The following SNX14 variants were observed in gnomAD, a reference collection of about 807,000 sequenced individuals.
SNX14 encodes sorting nexin-14.
SNX14 carries 93 observed loss-of-function variants against 133.8 expected under a neutral mutation model. That is an observed-to-expected ratio of 0.70 (90% CI 0.59 to 0.83). The LOEUF is 0.83. SNX14 is among the 40% of genes least tolerant of loss of function. The pLI, the probability that SNX14 is intolerant of heterozygous loss-of-function variation, is 0.00. For synonymous variants in SNX14, 368 were observed against 365.6 expected (o/e 1.01, Z -0.07); for missense variants, 945 against 1,094.9 (o/e 0.86, Z 1.93).
chr6:85,585,961 A>G (rs912090859), intron 1 of SNX14, among the ~76,000 whole-genome samples: 7 of 151,804 alleles, frequency 4.6e-5, no homozygotes, highest in Admixed American at 6.6e-5. Context: ...GGCATCACTA[A>G]AGTCTTCTTG....
intron 21 of SNX14, among the ~76,000 whole-genome samples, chr6:85,518,610 A>G (rs1226983009): frequency 6.6e-6 from 1 of 152,226 alleles, no homozygotes; most frequent in Admixed American, 6.5e-5. Context: ...GATTTTCTCC[A>G]GCATTTAGAA....
intron 17 of SNX14, among the ~76,000 whole-genome samples, chr6:85,534,792 C>T (rs1781364004): frequency 6.9e-6 from 1 of 145,528 alleles, no homozygotes; most frequent in East Asian, 2.0e-4. Context: ...AGATAGCAAA[C>T]TATATATAAA....
intron 14 of SNX14, among the ~76,000 whole-genome samples, 178 bp downstream of exon 14, chr6:85,543,004 T>C (rs763894596): frequency 8.6e-5 from 13 of 151,912 alleles, no homozygotes; most frequent in South Asian, 4.2e-4. Flanking sequence ...CTGAACTCAA[T>C]TGATTCAGCC....
chr6:85,541,894 A>G, intron 15 of SNX14, 91 bp downstream of exon 15: 1 of 902,342 alleles, frequency 1.1e-6, no homozygotes, highest in Non-Finnish European at 1.7e-6. Context: ...ATGGAACCAC[A>G]TATTCATTCA....
At chr6:85,572,446 T>C (rs1286816877) in intron 2 of SNX14, 72 bp from the exon 3 acceptor site, 28 of 1,188,012 alleles carry the variant, frequency 2.4e-5, no homozygotes, top group Non-Finnish European at 3.0e-5. Flanking sequence ...AGAATCAACT[T>C]TTCAGAAGTT....
chr6:85,592,619 T>C (rs6923017), intron 1 of SNX14, among the ~76,000 whole-genome samples: 16,907 of 152,232 alleles, frequency 0.11, 1,374 homozygotes, highest in African/African-American at 0.23. Context: ...AAAATGTCAA[T>C]TGAATTTATC....
Position 85,557,970 on chromosome 6 carries a change from T to C in SNX14, c.634+6A>G, listed in dbSNP as rs1790285844. 2 of 1,544,860 alleles carry C rather than the reference T, an allele frequency of 1.3e-6. No homozygotes were observed. The highest frequency in any genetic ancestry group is 1.8e-6 in the Non-Finnish European group (2 of 1,124,776). ...TTACTCAAACTGTAGTAGAAAACTG[T>C]ATTACCTTTCTGTCTGGCTTTAACT... On this transcript the variant is annotated splice_donor_region_variant and intron_variant, in intron 7 of 28. Coordinates refer to ENST00000314673, the MANE Select transcript of SNX14 (RefSeq NM_153816.6).
intron 23 of SNX14, among the ~76,000 whole-genome samples, chr6:85,515,403 G>C (rs939725881): frequency 6.6e-6 from 1 of 150,908 alleles, no homozygotes; most frequent in Non-Finnish European, 1.5e-5. Flanking sequence ...ATGTTGGGGT[G>C]GGGGGGAACT....
chr6:85,505,992 ACTTC>A lies in SNX14; in HGVS notation c.2812_2815del (p.Glu938LeufsTer4), dbSNP rs1195020976. 6.3e-7 allele frequency: 1 copy of A among 1,598,440 alleles called. No individual in the cohort carries two copies. Among genetic ancestry groups the A allele is most frequent in the African/African-American group, 1.3e-5 (1 of 74,600 alleles). On this transcript the variant is annotated frameshift_variant, in exon 29 of 29. Coordinates refer to ENST00000314673, the MANE Select transcript of SNX14 (RefSeq NM_153816.6). LOFTEE classifies it high-confidence loss of function. ...TTACATCCAAGATGTCACAGAGGTA[ACTTC>A]CTTTTGTACCTAAAGTAAAAATAAA...
chr6:85,509,154 T>G (rs574457958), intron 26 of SNX14, among the ~76,000 whole-genome samples: 1 of 152,162 alleles, frequency 6.6e-6, no homozygotes, highest in Non-Finnish European at 1.5e-5. Flanking sequence ...AAAGGAATGG[T>G]AAGCTTGCTC....
At position 85,506,119 on chromosome 6, in the gene SNX14, A is replaced by G. The variant is rs1376797681; in HGVS notation, c.2803-114T>C. The G allele has an allele frequency of 4.3e-5, 30 of 703,604 alleles. No homozygotes were observed. The Middle Eastern group carries it at 7.9e-4, about 18-fold the overall frequency. The allele number at this position is 703,604 out of a possible 1,614,324, so 43.6% of individuals were successfully genotyped here. A position where few individuals can be genotyped will look rare whatever the true frequency, so the allele number is the denominator to read the frequency against. The stretch of plus-strand genomic sequence containing the variant: ...CCTAAGACATATATATTGTAAACCA[A>G]AATAAATTGGCTGGCATATGGAGTG... On this transcript the variant is annotated intron_variant, in intron 28 of 28. Transcript: ENST00000314673.
At chr6:85,506,948 C>G (rs1274048193) in intron 28 of SNX14, among the ~76,000 whole-genome samples, 1 of 152,138 alleles carries the variant, frequency 6.6e-6, no homozygotes, top group Non-Finnish European at 1.5e-5. Context: ...TATTCTAGTG[C>G]TAGGACTTAC....
In SNX14 at chr6:85,547,368, A is replaced by G. The variant is rs770891572; in HGVS notation, c.942T>C (p.Pro314=). The stretch of plus-strand genomic sequence containing the variant: ...CAAATTTCTGCAAGAATGGAACCAA[A>G]GGAGAAGCCGGTTCAGTTGCTTTTT... ...PPEKATEPAS[P]LVPFLQKFAE... is the part of the protein sequence containing the mutation. Residue 314 remains proline, a synonymous_variant, in exon 11 of 29, where the codon CCT becomes CCC. Coordinates refer to ENST00000314673, the MANE Select transcript of SNX14 (RefSeq NM_153816.6). 1.9e-6 allele frequency: 3 copies of G among 1,613,808 alleles called. No homozygotes were observed. The highest frequency in any genetic ancestry group is 2.5e-6 in the Non-Finnish European group (3 of 1,179,962).
Position 85,550,982 on chromosome 6 carries a change from T to C in SNX14, c.635-1103A>G, listed in dbSNP as rs543140506. Among the ~76,000 whole-genome samples, 5 of 152,198 alleles carry C rather than the reference T, an allele frequency of 3.3e-5. No individual in the cohort carries two copies. In the South Asian group the frequency reaches 6.2e-4, roughly 19 times the overall value. On this transcript the variant is annotated intron_variant, in intron 7 of 28. Transcript: ENST00000314673. ...TTTTTGTAGAGACAGGGTTTCACCA[T>C]GTTGGCCAGGCTGGTCTGGAACTCC...
intron 1 of SNX14, among the ~76,000 whole-genome samples, chr6:85,574,635 T>C (rs1433022482): frequency 1.3e-5 from 2 of 152,250 alleles, no homozygotes; most frequent in Non-Finnish European, 2.9e-5. Flanking sequence ...TTAACTAGTC[T>C]ATACTACATT....
chr6:85,554,689 C>G (rs1220375459), intron 7 of SNX14, among the ~76,000 whole-genome samples: 1 of 152,140 alleles, frequency 6.6e-6, no homozygotes. Flanking sequence ...TGAATGCAAT[C>G]TAGCATTTTA....
Position 85,506,341 on chromosome 6 carries a change from G to A in SNX14, c.2803-336C>T, listed in dbSNP as rs1770667105. 1.3e-5 allele frequency among the ~76,000 whole-genome samples: 2 copies of A among 150,120 alleles called. 1 individual carries two copies. Among genetic ancestry groups the A allele is most frequent in the South Asian group, 4.2e-4 (2 of 4,772 alleles). On this transcript the variant is annotated intron_variant, in intron 28 of 28. Transcript: ENST00000314673. The stretch of plus-strand genomic sequence containing the variant: ...GAAAATTTTTTTTTTTTTTTAGATG[G>A]AGTCTCACTCTGTCACCCAGGCTGG...
chr6:85,565,369 C>A lies in SNX14; in HGVS notation c.512G>T (p.Arg171Leu). Reference sequence around the variant, plus strand: ...TCTTATTAAGACAGATGCAAAAAAACGTAATGTTATTCTCAGTTCATCAAC... The same window carrying A: ...TCTTATTAAGACAGATGCAAAAAAAAGTAATGTTATTCTCAGTTCATCAAC... ...SFVDELRITL[R>L]FFASVLIRRI... The change falls in exon 6 of 29, where the codon CGT becomes CTT. Residue 171 changes from arginine to leucine, a missense_variant. Physicochemically the swap from Arg to Leu is moderately radical, Grantham distance 102 (BLOSUM62 -2). Coordinates refer to ENST00000314673, the MANE Select transcript of SNX14 (RefSeq NM_153816.6). 1 of 1,603,098 alleles carries A rather than the reference C, an allele frequency of 6.2e-7. No homozygotes were observed. Among genetic ancestry groups the A allele is most frequent in the Non-Finnish European group, 8.5e-7 (1 of 1,174,392 alleles).
intron 23 of SNX14, among the ~76,000 whole-genome samples, chr6:85,517,226 A>G (rs962000809): frequency 1.3e-5 from 2 of 152,326 alleles, no homozygotes; most frequent in African/African-American, 4.8e-5. Flanking sequence ...GTATTAACAA[A>G]AATAAAAGAT....
Sources: gnomAD v4.1 joint callset for allele counts (sites outside exome capture counted in the v4.1 genomes callset) on GRCh38, gnomAD v4.1.1 for gene constraint, MANE v1.5 for transcripts, NCBI Gene and HGNC (gene_info 2026-07-23, HGNC 2026-07-21) for gene names.